CCDC102B: variants seen among roughly 807,000 people sequenced by gnomAD.
The protein encoded by CCDC102B is coiled-coil domain containing 102B.
Under a neutral mutation model 57.4 loss-of-function variants are expected in CCDC102B, and 75 were observed. The ratio of observed to expected loss-of-function variants is 1.31; its 90% CI spans 1.08 to 1.58. The LOEUF is 1.58. Ranked by LOEUF, CCDC102B falls within the 40% of genes most tolerant of loss-of-function variation. The pLI is 0.00. For missense variants in CCDC102B, 636 were observed against 582.6 expected (o/e 1.09, Z -0.94); for synonymous variants, 206 against 201.9 (o/e 1.02, Z -0.17).
intron 4 of CCDC102B, among the ~76,000 whole-genome samples, chr18:68,864,172 T>C (rs2038876302): frequency 6.6e-6 from 1 of 152,022 alleles, no homozygotes; most frequent in Non-Finnish European, 1.5e-5. Context: ...TTCATTACTT[T>C]TGGATTTTAG....
At chr18:69,037,891 G>A (rs981665531) in intron 7 of CCDC102B, among the ~76,000 whole-genome samples, 2 of 151,970 alleles carry the variant, frequency 1.3e-5, no homozygotes, top group Non-Finnish European at 2.9e-5. Context: ...CCCCACCTAG[G>A]TCTTTGAGGT....
At chr18:68,956,376 GTATAATA>G (rs1391467414) in intron 6 of CCDC102B, among the ~76,000 whole-genome samples, 1 of 5,822 alleles carries the variant, frequency 1.7e-4, no homozygotes, top group South Asian at 5.3e-3. Flanking sequence ...TATATAAAAT[GTATAATA>G]TATAATATAT....
chr18:68,867,789 T>G (rs74463922), intron 4 of CCDC102B, among the ~76,000 whole-genome samples: 106,179 of 151,190 alleles, frequency 0.7, 37,714 homozygotes, highest in East Asian at 1. Flanking sequence ...AAAAAATTAG[T>G]CAGGAGTGGT....
chr18:68,939,638 T>G (rs2049327309), intron 6 of CCDC102B, among the ~76,000 whole-genome samples: 1 of 151,840 alleles, frequency 6.6e-6, no homozygotes, highest in South Asian at 2.1e-4. Context: ...AAGCTAGAAG[T>G]CACTGCTAGA....
chr18:68,741,843 G>A (rs1801887114), intron 2 of CCDC102B, among the ~76,000 whole-genome samples: 1 of 152,164 alleles, frequency 6.6e-6, no homozygotes, highest in South Asian at 2.1e-4. Flanking sequence ...GGTTTTTACT[G>A]AGGTCAGTGA....
intron 6 of CCDC102B, among the ~76,000 whole-genome samples, chr18:68,979,110 T>A (rs1272350434): frequency 6.6e-6 from 1 of 152,082 alleles, no homozygotes; most frequent in Non-Finnish European, 1.5e-5. Flanking sequence ...TTCTGTATTC[T>A]AAGTGGGAGG....
chr18:68,972,659 A>C (rs1227895498), intron 6 of CCDC102B, among the ~76,000 whole-genome samples: 1 of 152,188 alleles, frequency 6.6e-6, no homozygotes, highest in Non-Finnish European at 1.5e-5. Context: ...AGGAATCTGC[A>C]CAGAGAGACA....
intron 6 of CCDC102B, among the ~76,000 whole-genome samples, chr18:69,005,578 G>T (rs572741688): frequency 3.3e-5 from 5 of 151,686 alleles, no homozygotes; most frequent in Non-Finnish European, 7.4e-5. Context: ...TCATTTTAAG[G>T]TATAAGAAAA....
At chr18:69,014,609 G>T (rs112657850) in intron 7 of CCDC102B, among the ~76,000 whole-genome samples, 1 of 151,794 alleles carries the variant, frequency 6.6e-6, no homozygotes, top group Non-Finnish European at 1.5e-5. Context: ...GTGTTGGGGG[G>T]GCGGGGTGGT....
At chr18:68,829,941 A>G (rs1330250189) in intron 1 of CCDC102B, among the ~76,000 whole-genome samples, 2 of 151,984 alleles carry the variant, frequency 1.3e-5, no homozygotes, top group African/African-American at 4.8e-5. Context: ...AACAAACAGA[A>G]AAAATTCCCT....
rs117492931 is a variant in CCDC102B at position 68,927,487 on chromosome 18, G to A, written c.1263+30059G>A. On this transcript the variant is annotated intron_variant, in intron 6 of 7. Transcript: ENST00000360242. Reference sequence around the variant, plus strand: ...CCTCCCCTGTTTTCTGTCTTCATACGCTGTTCTGTTTTATTCATTATATGA... The same window carrying A: ...CCTCCCCTGTTTTCTGTCTTCATACACTGTTCTGTTTTATTCATTATATGA... Among the ~76,000 whole-genome samples, 1,138 of 151,912 alleles carry A rather than the reference G, an allele frequency of 7.5e-3. 5 individuals carry two copies. The highest frequency in any genetic ancestry group is 0.02 in the Middle Eastern group (6 of 294).
In CCDC102B at chr18:68,731,518, A is replaced by G. The variant is rs538754675; in HGVS notation, c.-67+14924A>G. ...ATGGAAAATTGATTTTTGAGGAACTATAATCTGGACTCTACATTTGCATAT... is the reference window on the plus strand; with the variant it reads ...ATGGAAAATTGATTTTTGAGGAACTGTAATCTGGACTCTACATTTGCATAT... On this transcript the variant is annotated intron_variant, in intron 2 of 3. Transcript: ENST00000578970. 2.0e-5 allele frequency among the ~76,000 whole-genome samples: 3 copies of G among 152,214 alleles called. No individual in the cohort carries two copies. The South Asian group carries it at 6.2e-4, about 32-fold the overall frequency.
At chr18:68,938,318 G>C (rs2049296912) in intron 6 of CCDC102B, among the ~76,000 whole-genome samples, 1 of 151,988 alleles carries the variant, frequency 6.6e-6, no homozygotes, top group African/African-American at 2.4e-5. Flanking sequence ...TTTATAATCT[G>C]AAAATTTTTA....
At chr18:68,813,051 A>G (rs1201695066) in intron 1 of CCDC102B, among the ~76,000 whole-genome samples, 1 of 152,062 alleles carries the variant, frequency 6.6e-6, no homozygotes, top group Non-Finnish European at 1.5e-5. Flanking sequence ...TGTAATCCCC[A>G]TGTGTTGGGG....
chr18:69,031,504 T>C (rs2052144817), intron 7 of CCDC102B, among the ~76,000 whole-genome samples: 1 of 151,974 alleles, frequency 6.6e-6, no homozygotes, highest in African/African-American at 2.4e-5. Context: ...TATAGCAGCA[T>C]TTTTCCTTCA....
rs1028677805 is a variant in CCDC102B, at chr18:69,023,845, A to G, written c.1434+12741A>G. On this transcript the variant is annotated intron_variant, in intron 7 of 7. Coordinates refer to ENST00000360242, the MANE Select transcript of CCDC102B (RefSeq NM_024781.3). Reference sequence around the variant, plus strand: ...TTTAAAGTTAAAGCATTTTATTTAGAATATTTTCTTCCTAGTTGGATTACC... The same window carrying G: ...TTTAAAGTTAAAGCATTTTATTTAGGATATTTTCTTCCTAGTTGGATTACC... Among the ~76,000 whole-genome samples the G allele has an allele frequency of 6.6e-5, 10 of 152,220 alleles. No individual in the cohort carries two copies. In the East Asian group the frequency reaches 1.7e-3, roughly 26 times the overall value.
intron 6 of CCDC102B, among the ~76,000 whole-genome samples, chr18:68,998,590 C>CAGTCCGAGTACTGAAAG (rs374545117): frequency 6.6e-6 from 1 of 151,456 alleles, no homozygotes; most frequent in African/African-American, 2.4e-5. Context: ...GTACCAAAAC[C>CAGTCCGAGTACTGAAAG]CCCAAAGTAG....
intron 1 of CCDC102B, among the ~76,000 whole-genome samples, chr18:68,817,895 A>C (rs896545682): frequency 1.1e-4 from 16 of 152,186 alleles, no homozygotes; most frequent in Non-Finnish European, 2.4e-4. Context: ...AAATATCTGG[A>C]TAATTTAATT....
chr18:68,864,621 C>G (rs1002221774), intron 4 of CCDC102B, among the ~76,000 whole-genome samples: 5 of 151,876 alleles, frequency 3.3e-5, no homozygotes, highest in African/African-American at 1.2e-4. Flanking sequence ...GGGCATATAT[C>G]TTCCACTACT....
Sources: allele counts gnomAD v4.1 joint callset (sites outside exome capture counted in the v4.1 genomes callset), GRCh38; gene constraint gnomAD v4.1.1; transcripts MANE v1.5; gene names NCBI Gene and HGNC (gene_info 2026-07-23, HGNC 2026-07-21).